Variants in KCNIP4 observed in about 807,000 individuals in gnomAD.
The protein encoded by KCNIP4 is potassium voltage-gated channel interacting protein 4.
KCNIP4 carries 12 observed loss-of-function variants against 34.0 expected under a neutral mutation model. That is an observed-to-expected ratio of 0.35 (90% CI 0.23 to 0.57). The LOEUF (loss-of-function observed/expected upper bound fraction) is 0.57, where lower values mean the gene tolerates loss of function less well. Among genes scored for constraint, KCNIP4 ranks in the 20% least tolerant of loss-of-function variants. KCNIP4 has a pLI of 0.83. For missense variants in KCNIP4, 238 were observed against 311.7 expected (o/e 0.76, Z 1.78); for synonymous variants, 124 against 102.2 (o/e 1.21, Z -1.29).
chr4:21,210,030 G>A (rs118013165), intron 1 of KCNIP4, among the ~76,000 whole-genome samples: 3,121 of 152,260 alleles, frequency 0.02, 50 homozygotes, highest in South Asian at 0.03. Context: ...ACTCTCAAGT[G>A]TGTTGCTCTA....
chr4:20,775,924 T>A (rs1756333536), intron 3 of KCNIP4, among the ~76,000 whole-genome samples: 2 of 152,186 alleles, frequency 1.3e-5, no homozygotes, highest in Admixed American at 1.3e-4. Flanking sequence ...ACTGAGGCAG[T>A]CTAACTCTTA....
intron 1 of KCNIP4, among the ~76,000 whole-genome samples, chr4:21,079,639 T>C (rs907435169): frequency 1.4e-5 from 2 of 143,644 alleles, no homozygotes; most frequent in African/African-American, 2.5e-5. Context: ...TGTGAATATG[T>C]TATGTTACAT....
chr4:20,729,599 T>TTAAAGTATATA lies in KCNIP4; in HGVS notation c.*472_*482dup, dbSNP rs1747360211. ...TTTTAATTGTTGTAATCTTGTTTCC[T>TTAAAGTATATA]TAAAGTATATAAATGGAATTTAAAT... On this transcript the variant is annotated 3_prime_UTR_variant, in exon 9 of 9. Transcript: ENST00000382152. 1 of 129,828 alleles carries TTAAAGTATATA rather than the reference T, an allele frequency of 7.7e-6. No individual in the cohort carries two copies. Among genetic ancestry groups the TTAAAGTATATA allele is most frequent in the Non-Finnish European group, 1.6e-5 (1 of 60,742 alleles). 8.0% of individuals were successfully genotyped at this position (129,828 alleles called of 1,614,324 possible). A position where few individuals can be genotyped will look rare whatever the true frequency, so the allele number is the denominator to read the frequency against.
At chr4:21,451,484 G>T (rs1366902367) in intron 1 of KCNIP4, among the ~76,000 whole-genome samples, 1 of 152,022 alleles carries the variant, frequency 6.6e-6, no homozygotes, top group South Asian at 2.1e-4. Context: ...TTTGCTCTTG[G>T]CCCTTGATTT....
chr4:21,149,734 G>A (rs1346870797), intron 1 of KCNIP4, among the ~76,000 whole-genome samples: 1 of 152,090 alleles, frequency 6.6e-6, no homozygotes, highest in Non-Finnish European at 1.5e-5. Context: ...ACTAAGGAGA[G>A]TATAATGAAG....
intron 1 of KCNIP4, among the ~76,000 whole-genome samples, chr4:21,758,863 A>G (rs1485961552): frequency 1.3e-5 from 2 of 152,158 alleles, no homozygotes; most frequent in African/African-American, 4.8e-5. Context: ...TTGCAATGTG[A>G]CCTTGGGTAA....
At position 20,998,587 on chromosome 4, in the gene KCNIP4, A is replaced by G. The variant is rs561296357; in HGVS notation, c.62-115878T>C. Among the ~76,000 whole-genome samples the G allele has an allele frequency of 2.6e-5, 4 of 152,344 alleles. No homozygotes were observed. The South Asian group carries it at 8.3e-4, about 32-fold the overall frequency. Reference sequence around the variant, plus strand: ...ATAAGAGAAAGTAGATCTGAGGTCCATTGGTCTACTGAAGTTGTCTTCAAG... The same window carrying G: ...ATAAGAGAAAGTAGATCTGAGGTCCGTTGGTCTACTGAAGTTGTCTTCAAG... On this transcript the variant is annotated intron_variant, in intron 1 of 8. Transcript: ENST00000382152.
intron 1 of KCNIP4, among the ~76,000 whole-genome samples, chr4:21,113,285 C>A (rs1320981242): frequency 6.6e-6 from 1 of 152,102 alleles, no homozygotes; most frequent in Admixed American, 6.5e-5. Flanking sequence ...GGATTTCACA[C>A]AGACATAAGG....
At chr4:21,407,083 A>G (rs1475047161) in intron 1 of KCNIP4, among the ~76,000 whole-genome samples, 1 of 152,146 alleles carries the variant, frequency 6.6e-6, no homozygotes, top group Non-Finnish European at 1.5e-5. Context: ...TATGACCACA[A>G]TGATATATGG....
intron 1 of KCNIP4, among the ~76,000 whole-genome samples, chr4:21,632,486 A>G (rs78153862): frequency 6.6e-6 from 1 of 152,140 alleles, no homozygotes; most frequent in South Asian, 2.1e-4. Context: ...TGGCCTCACA[A>G]ATTGCTGGGA....
At chr4:21,813,615 A>G (rs191453679) in intron 1 of KCNIP4, among the ~76,000 whole-genome samples, 12 of 152,302 alleles carry the variant, frequency 7.9e-5, no homozygotes, top group African/African-American at 2.6e-4. Context: ...TAAGTAAATG[A>G]AGAGTACAGA....
chr4:21,866,277 A>G (rs1725410057), intron 1 of KCNIP4, among the ~76,000 whole-genome samples: 1 of 152,208 alleles, frequency 6.6e-6, no homozygotes, highest in Non-Finnish European at 1.5e-5. Context: ...CCATTTGCAC[A>G]ACTAACTGAA....
At chr4:21,346,131 G>C (rs889099700) in intron 1 of KCNIP4, among the ~76,000 whole-genome samples, 3 of 98,460 alleles carry the variant, frequency 3.0e-5, no homozygotes, top group African/African-American at 1.2e-4. Flanking sequence ...ATTTTACACT[G>C]CCTGAGTGTG....
intron 1 of KCNIP4, among the ~76,000 whole-genome samples, chr4:21,293,628 C>T (rs1763672189): frequency 6.6e-6 from 1 of 152,148 alleles, no homozygotes; most frequent in Non-Finnish European, 1.5e-5. Flanking sequence ...TTGGATCTTG[C>T]TTTCTGTGTT....
intron 1 of KCNIP4, among the ~76,000 whole-genome samples, chr4:21,687,377 C>T (rs188753438): frequency 5.3e-5 from 8 of 150,646 alleles, no homozygotes; most frequent in East Asian, 3.9e-4. Context: ...GGAAAAGATA[C>T]GCAAAGAAAT....
intron 1 of KCNIP4, among the ~76,000 whole-genome samples, chr4:20,999,346 C>T (rs1239893670): frequency 2.7e-5 from 4 of 149,122 alleles, no homozygotes; most frequent in Non-Finnish European, 4.4e-5. Context: ...GGGCTATTAA[C>T]GTAAACAGGA....
rs564242706 is a variant in KCNIP4 at position 21,504,512 on chromosome 4, G to A, written c.61+444059C>T. Among the ~76,000 whole-genome samples the A allele has an allele frequency of 5.3e-3, 685 of 129,286 alleles. 4 individuals carry two copies. Among genetic ancestry groups the A allele is most frequent in the African/African-American group, 0.017 (613 of 35,794 alleles). The allele number at this position is 129,286 out of a possible 152,430, so 84.8% of individuals were successfully genotyped here. On this transcript the variant is annotated intron_variant, in intron 1 of 8. Coordinates refer to ENST00000382152, the MANE Select transcript of KCNIP4 (RefSeq NM_025221.6). Reference sequence around the variant, plus strand: ...GAAAGAAAGAAAGAAAGAAAGGAAGGAAGGAAGAAAGCAAGCAAGCAAGCA... The same window carrying A: ...GAAAGAAAGAAAGAAAGAAAGGAAGAAAGGAAGAAAGCAAGCAAGCAAGCA...
At chr4:21,299,170 CT>C (rs1382728754) in intron 1 of KCNIP4, among the ~76,000 whole-genome samples, 1 of 152,008 alleles carries the variant, frequency 6.6e-6, no homozygotes, top group African/African-American at 2.4e-5. Flanking sequence ...ATACTATACT[CT>C]GTTTAACACA....
At chr4:20,924,542 T>A (rs1283179149) in intron 1 of KCNIP4, among the ~76,000 whole-genome samples, 1 of 152,188 alleles carries the variant, frequency 6.6e-6, no homozygotes, top group Non-Finnish European at 1.5e-5. Context: ...TCCTACAATC[T>A]AGCACAAGCC....
Sources: gnomAD v4.1 joint callset for allele counts (sites outside exome capture counted in the v4.1 genomes callset) on GRCh38, gnomAD v4.1.1 for gene constraint, MANE v1.5 for transcripts, NCBI Gene and HGNC (gene_info 2026-07-23, HGNC 2026-07-21) for gene names.